The following NIBAN1 variants were observed in gnomAD, a reference collection of about 807,000 sequenced individuals.
NIBAN1 encodes niban apoptosis regulator 1, also known as protein Niban 1.
NIBAN1 carries 81 observed loss-of-function variants against 75.1 expected under a neutral mutation model. The observed-to-expected ratio is 1.08, with a 90% CI of 0.90 to 1.30. The LOEUF (loss-of-function observed/expected upper bound fraction) is 1.30. NIBAN1 is among the 50% of genes most tolerant of loss of function. NIBAN1 has a pLI of 0.00. For synonymous variants in NIBAN1, 436 were observed against 424.8 expected (o/e 1.03, Z -0.32); for missense variants, 1,133 against 1,128.1 (o/e 1.00, Z -0.06).
chr1:184,803,696 T>C lies in NIBAN1; in HGVS notation c.1447-4A>G, dbSNP rs747901504. 1 of 1,611,804 alleles carries C rather than the reference T, an allele frequency of 6.2e-7. No individual in the cohort carries two copies. Among genetic ancestry groups the C allele is most frequent in the Non-Finnish European group, 8.5e-7 (1 of 1,178,030 alleles). On this transcript the variant is annotated splice_region_variant and splice_polypyrimidine_tract_variant and intron_variant, in intron 11 of 13. Transcript: ENST00000367511. ...TGCTGCTGTCATAATCATATTGCTG[T>C]CAATAAAGAAACATATGTTAAATAG...
intron 5 of NIBAN1, among the ~76,000 whole-genome samples, chr1:184,872,110 G>A (rs1333978361): frequency 2.6e-5 from 4 of 151,754 alleles, no homozygotes; most frequent in Admixed American, 2.0e-4. Flanking sequence ...CAACCCACAG[G>A]GATCTTGGAT....
At position 184,795,793 on chromosome 1, in the gene NIBAN1, A is replaced by T. The variant is rs142755217; in HGVS notation, c.1971T>A (p.Ile657=). The T allele has an allele frequency of 1.1e-5, 17 of 1,611,134 alleles. No homozygotes were observed. In the African/African-American group the frequency reaches 2.3e-4, roughly 21 times the overall value. Residue 657 remains isoleucine, a synonymous_variant, in exon 14 of 14, where the codon ATT becomes ATA. Transcript: ENST00000367511. ...TCACCACGGGGTCATCCACTCTTGA[A>T]ATAATCACCTGCTCAGTCCCATCTG... ...PPPDGTEQVI[I]SRVDDPVVNP...
chr1:184,926,038 T>G (rs1008282198), intron 1 of NIBAN1, among the ~76,000 whole-genome samples: 1 of 152,226 alleles, frequency 6.6e-6, no homozygotes, highest in East Asian at 1.9e-4. Context: ...ATGTAATCCT[T>G]TAGCTTGTCT....
At chr1:184,955,833 T>A (rs757036334) in intron 1 of NIBAN1, among the ~76,000 whole-genome samples, 14 of 151,796 alleles carry the variant, frequency 9.2e-5, no homozygotes, top group Non-Finnish European at 2.1e-4. Flanking sequence ...GCAAGGTGTG[T>A]CATGTAGAGA....
chr1:184,868,801 T>A (rs1317131374), intron 5 of NIBAN1, among the ~76,000 whole-genome samples: 2 of 152,182 alleles, frequency 1.3e-5, no homozygotes, highest in Non-Finnish European at 2.9e-5. Context: ...ACCTGCTGAC[T>A]GAGAAGACAC....
At chr1:184,973,960 A>G (rs1184227526) in intron 1 of NIBAN1, among the ~76,000 whole-genome samples, 1 of 152,194 alleles carries the variant, frequency 6.6e-6, no homozygotes, top group Non-Finnish European at 1.5e-5. Flanking sequence ...CGGCCAGTTC[A>G]GAAACCGCTC....
intron 9 of NIBAN1, among the ~76,000 whole-genome samples, chr1:184,813,435 T>C (rs2102206514): frequency 6.6e-6 from 1 of 152,358 alleles, no homozygotes; most frequent in Non-Finnish European, 1.5e-5. Context: ...ATAATAGGTT[T>C]GCTAACTGCT....
chr1:184,895,159 T>C (rs796465201), intron 2 of NIBAN1, among the ~76,000 whole-genome samples: 4 of 152,128 alleles, frequency 2.6e-5, no homozygotes, highest in African/African-American at 7.2e-5. Flanking sequence ...CAAATTCCAG[T>C]GCTTAATGAG....
At chr1:184,908,489 C>G (rs1657160130) in intron 1 of NIBAN1, among the ~76,000 whole-genome samples, 1 of 152,126 alleles carries the variant, frequency 6.6e-6, no homozygotes, top group Non-Finnish European at 1.5e-5. Flanking sequence ...TACCTTATTC[C>G]ATAGAGAAAC....
rs1558091643 is a variant in NIBAN1, at chr1:184,794,055, T to A, written c.*922A>T. ...AAATTGGCATATGTTCTCTTCCAGA[T>A]TAAATTCCCTTGGACCTTTTAATTT... On this transcript the variant is annotated 3_prime_UTR_variant, in exon 14 of 14. Transcript: ENST00000367511. 6.6e-6 allele frequency: 1 copy of A among 152,242 alleles called. No individual in the cohort carries two copies. The highest frequency in any genetic ancestry group is 2.4e-5 in the African/African-American group (1 of 41,456). 9.4% of individuals were successfully genotyped at this position (152,242 alleles called of 1,614,324 possible).
At position 184,818,688 on chromosome 1, in the gene NIBAN1, C is replaced by G; in HGVS notation, c.1123G>C (p.Glu375Gln). Residue 375 changes from glutamate to glutamine, a missense_variant, in exon 9 of 14, where the codon GAA becomes CAA. Coordinates refer to ENST00000367511, the MANE Select transcript of NIBAN1 (RefSeq NM_052966.4). ...VRVLFEKEVN[E>Q]VSQNFQTTKD... ...GTGGTCTGGAAGTTCTGGCTGACTTCATTCACCTCTTTCTCAAAGAGTACA... is the reference window on the plus strand; with the variant it reads ...GTGGTCTGGAAGTTCTGGCTGACTTGATTCACCTCTTTCTCAAAGAGTACA... 1 of 1,612,410 alleles carries G rather than the reference C, an allele frequency of 6.2e-7. No homozygotes were observed. Among genetic ancestry groups the G allele is most frequent in the Non-Finnish European group, 8.5e-7 (1 of 1,178,702 alleles).
At chr1:184,842,519 C>T (rs1483863193) in intron 5 of NIBAN1, among the ~76,000 whole-genome samples, 3 of 152,024 alleles carry the variant, frequency 2.0e-5, no homozygotes, top group Non-Finnish European at 2.9e-5. Context: ...TTTGGGAGGC[C>T]GAGGCAGGCG....
Position 184,818,722 on chromosome 1 carries a change from A to G in NIBAN1, c.1089T>C (p.Ser363=). The change falls in exon 9 of 14, where the codon AGT becomes AGC. Residue 363 remains serine, a synonymous_variant. Coordinates refer to ENST00000367511, the MANE Select transcript of NIBAN1 (RefSeq NM_052966.4). ...ELMGPVSSGF[S]EVRVLFEKEV... is the part of the protein sequence containing the mutation. Reference sequence around the variant, plus strand: ...CTTTCTCAAAGAGTACACGTACTTCACTGAATCCCGAGCTCACTGGTCCCA... The same window carrying G: ...CTTTCTCAAAGAGTACACGTACTTCGCTGAATCCCGAGCTCACTGGTCCCA... 6.2e-7 allele frequency: 1 copy of G among 1,613,724 alleles called. No homozygotes were observed. The highest frequency in any genetic ancestry group is 1.3e-5 in the African/African-American group (1 of 75,058).
intron 1 of NIBAN1, among the ~76,000 whole-genome samples, chr1:184,959,244 C>T (rs1203637757): frequency 6.6e-6 from 1 of 152,228 alleles, no homozygotes; most frequent in East Asian, 1.9e-4. Flanking sequence ...CGTTCCTCTC[C>T]CAACTCCATG....
At chr1:184,854,925 T>C (rs559882291) in intron 5 of NIBAN1, among the ~76,000 whole-genome samples, 115 of 152,224 alleles carry the variant, frequency 7.6e-4, no homozygotes, top group African/African-American at 2.6e-3. Context: ...AAAGAGGAAA[T>C]AAAAACAAAA....
intron 1 of NIBAN1, among the ~76,000 whole-genome samples, chr1:184,901,468 C>G (rs1226975839): frequency 6.6e-6 from 1 of 152,162 alleles, no homozygotes; most frequent in Non-Finnish European, 1.5e-5. Flanking sequence ...CTATGCTTGT[C>G]TATAATTTTC....
intron 1 of NIBAN1, among the ~76,000 whole-genome samples, chr1:184,969,607 G>T (rs1190815648): frequency 6.6e-6 from 1 of 151,978 alleles, no homozygotes; most frequent in East Asian, 1.9e-4. Flanking sequence ...ACCACAACAG[G>T]TACAGACCAA....
chr1:184,957,935 G>A (rs61823957), intron 1 of NIBAN1, among the ~76,000 whole-genome samples: 2 of 152,106 alleles, frequency 1.3e-5, no homozygotes, highest in African/African-American at 2.4e-5. Context: ...TTTAAAGTTA[G>A]CTTAAAGTGG....
intron 1 of NIBAN1, among the ~76,000 whole-genome samples, chr1:184,911,216 G>T (rs1185368076): frequency 2.0e-5 from 3 of 152,112 alleles, no homozygotes; most frequent in African/African-American, 7.2e-5. Context: ...TTAAACTCCT[G>T]CATCAATAAC....
Sources: allele counts gnomAD v4.1 joint callset (sites outside exome capture counted in the v4.1 genomes callset), GRCh38; gene constraint gnomAD v4.1.1; transcripts MANE v1.5; gene names NCBI Gene and HGNC (gene_info 2026-07-23, HGNC 2026-07-21).